Variants in SOX13 observed in about 807,000 individuals in gnomAD.
SOX13 encodes the protein transcription factor SOX-13.
A neutral mutation model predicts 71.8 loss-of-function variants in SOX13; 28 were observed. The observed-to-expected ratio is 0.39, with a 90% CI of 0.29 to 0.53. SOX13 has a LOEUF of 0.53. Among genes scored for constraint, SOX13 ranks in the 20% least tolerant of loss-of-function variants. The pLI is 0.70. For missense variants in SOX13, 627 were observed against 810.3 expected, an observed-to-expected ratio of 0.77 and a Z score of 2.75; for synonymous variants, 309 against 317.8, an observed-to-expected ratio of 0.97 and a Z score of 0.29.
intron 1 of SOX13, among the ~76,000 whole-genome samples, chr1:204,097,550 G>C (rs1457457465): frequency 6.6e-6 from 1 of 151,964 alleles, no homozygotes; most frequent in African/African-American, 2.4e-5. Flanking sequence ...AATTAGCTGG[G>C]CGTGGTGGCG....
chr1:204,082,809 G>C (rs899006314), intron 1 of SOX13, among the ~76,000 whole-genome samples: 5 of 152,196 alleles, frequency 3.3e-5, no homozygotes, highest in Non-Finnish European at 7.3e-5. Context: ...GGTAGCAAGA[G>C]GGCTTTCTGT....
chr1:204,080,344 TG>T (rs1402383863), intron 1 of SOX13, among the ~76,000 whole-genome samples: 1 of 152,164 alleles, frequency 6.6e-6, no homozygotes, highest in Non-Finnish European at 1.5e-5. Context: ...CTGTGTCTTC[TG>T]GGGACATGTC....
intron 2 of SOX13, among the ~76,000 whole-genome samples, chr1:204,113,369 T>C (rs1571587632): frequency 6.6e-6 from 1 of 152,248 alleles, no homozygotes; most frequent in Non-Finnish European, 1.5e-5. Flanking sequence ...ACTCGCTTGA[T>C]AGTGACAGTT....
chr1:204,104,377 A>T lies in SOX13; in HGVS notation c.-1-8538A>T, dbSNP rs1481573507. ...CAGGAAAGCTTTGTCCCAAGCCTGC[A>T]GCCAGTCCAGCTCCCAGCTCTGAGT... On this transcript the variant is annotated intron_variant, in intron 1 of 13. Coordinates refer to ENST00000367204, the MANE Select transcript of SOX13 (RefSeq NM_005686.3). Among the ~76,000 whole-genome samples the T allele has an allele frequency of 4.6e-5, 7 of 152,242 alleles. No individual in the cohort carries two copies. The East Asian group carries it at 1.3e-3, about 29-fold the overall frequency.
chr1:204,114,469 G>A (rs748636175), intron 3 of SOX13, 37 bp downstream of exon 3: 2 of 1,606,168 alleles, frequency 1.2e-6, no homozygotes, highest in Admixed American at 3.3e-5. Flanking sequence ...AGAGGCCTGA[G>A]GCAGGGAGGT....
intron 1 of SOX13, among the ~76,000 whole-genome samples, chr1:204,090,571 G>A (rs1470769557): frequency 6.6e-6 from 1 of 151,982 alleles, no homozygotes; most frequent in Non-Finnish European, 1.5e-5. Context: ...ACCACACTCG[G>A]CTAACTTTTT....
At chr1:204,109,813 ATTG>A (rs1468065369) in intron 1 of SOX13, among the ~76,000 whole-genome samples, 1 of 151,670 alleles carries the variant, frequency 6.6e-6, no homozygotes, top group Non-Finnish European at 1.5e-5. Context: ...TTTTTTATTT[ATTG>A]TTATTATTAT....
intron 1 of SOX13, among the ~76,000 whole-genome samples, chr1:204,106,850 A>G (rs1656481000): frequency 6.6e-6 from 1 of 152,204 alleles, no homozygotes; most frequent in Admixed American, 6.5e-5. Context: ...ACCAATTGTG[A>G]TAAATACTTT....
intron 1 of SOX13, among the ~76,000 whole-genome samples, chr1:204,090,167 A>G (rs1189442669): frequency 2.6e-5 from 4 of 152,072 alleles, no homozygotes; most frequent in Non-Finnish European, 4.4e-5. Flanking sequence ...GATTCACTGG[A>G]AGGATAAGAA....
Position 204,113,145 on chromosome 1 carries a change from C to CCGCCCTGCCTCCATCCTCACACCCATG in SOX13, c.219+15_219+41dup. Reference sequence around the variant, plus strand: ...TTCAGGGGCTCCTGGGTCAGTGTCCCCGCCCTGCCTCCATCCTCACACCCA... The same window carrying CCGCCCTGCCTCCATCCTCACACCCATG: ...TTCAGGGGCTCCTGGGTCAGTGTCCCCGCCCTGCCTCCATCCTCACACCCATGCGCCCTGCCTCCATCCTCACACCCA... On this transcript the variant is annotated intron_variant, in intron 2 of 13. Transcript: ENST00000367204. The CCGCCCTGCCTCCATCCTCACACCCATG allele has an allele frequency of 6.6e-7, 1 of 1,524,014 alleles. No individual in the cohort carries two copies. Among genetic ancestry groups the CCGCCCTGCCTCCATCCTCACACCCATG allele is most frequent in the Non-Finnish European group, 8.8e-7 (1 of 1,133,148 alleles). 94.4% of individuals were successfully genotyped at this position (1,524,014 alleles called of 1,614,324 possible).
chr1:204,079,284 A>C (rs1179934855), intron 1 of SOX13, among the ~76,000 whole-genome samples: 2 of 150,554 alleles, frequency 1.3e-5, no homozygotes, highest in Non-Finnish European at 3.0e-5. Flanking sequence ...CGTCTCAAAA[A>C]ACAAACAAAC....
At chr1:204,105,425 A>ATTTTTTTTTTTTTTTTT in intron 1 of SOX13, among the ~76,000 whole-genome samples, 1 of 68,026 alleles carries the variant, frequency 1.5e-5, no homozygotes, top group African/African-American at 1.8e-4. Context: ...TTTTTTTTTG[A>ATTTTTTTTTTTTTTTTT]GACAGAGTCT....
chr1:204,115,512 A>AAT (rs1656672591), intron 4 of SOX13, among the ~76,000 whole-genome samples: 1 of 148,280 alleles, frequency 6.7e-6, no homozygotes, highest in Non-Finnish European at 1.5e-5. Context: ...AAAAAAAAAA[A>AAT]AGGTCTATGG....
intron 1 of SOX13, among the ~76,000 whole-genome samples, chr1:204,109,370 A>G (rs577377783): frequency 5.9e-5 from 9 of 152,234 alleles, no homozygotes; most frequent in Non-Finnish European, 1.3e-4. Context: ...CACATATAGG[A>G]CAGTGGTCCT....
chr1:204,108,364 C>T lies in SOX13; in HGVS notation c.-1-4551C>T, dbSNP rs566041890. Reference sequence around the variant, plus strand: ...GGCTGCATTATAAGTGCTTAGTAGCCGCATGGGGCAAGTGGCTGCAATCTT... The same window carrying T: ...GGCTGCATTATAAGTGCTTAGTAGCTGCATGGGGCAAGTGGCTGCAATCTT... On this transcript the variant is annotated intron_variant, in intron 1 of 13. Transcript: ENST00000367204. Among the ~76,000 whole-genome samples, 10 of 152,278 alleles carry T rather than the reference C, an allele frequency of 6.6e-5. No homozygotes were observed. In the East Asian group the frequency reaches 1.2e-3, roughly 18 times the overall value.
chr1:204,079,972 AC>A (rs550349842), intron 1 of SOX13, among the ~76,000 whole-genome samples: 3 of 152,304 alleles, frequency 2.0e-5, no homozygotes, highest in African/African-American at 7.2e-5. Context: ...CTGGGTGTGC[AC>A]AGGGTGTGCA....
chr1:204,074,760 T>C (rs1655749771), intron 1 of SOX13, among the ~76,000 whole-genome samples: 1 of 152,090 alleles, frequency 6.6e-6, no homozygotes, highest in South Asian at 2.1e-4. Context: ...CCCTGGACCT[T>C]TCCGGGAGGA....
intron 1 of SOX13, among the ~76,000 whole-genome samples, chr1:204,105,603 A>G (rs1490518361): frequency 6.6e-6 from 1 of 151,836 alleles, no homozygotes; most frequent in Non-Finnish European, 1.5e-5. Context: ...ATGGGGTTTT[A>G]CCATGTTGGC....
At position 204,084,180 on chromosome 1, in the gene SOX13, C is replaced by T. The variant is rs553156343; in HGVS notation, c.-2+10469C>T. Among the ~76,000 whole-genome samples the T allele has an allele frequency of 1.2e-4, 19 of 152,256 alleles. No individual in the cohort carries two copies. In the East Asian group the frequency reaches 2.3e-3, roughly 19 times the overall value. On this transcript the variant is annotated intron_variant, in intron 1 of 13. Coordinates refer to ENST00000367204, the MANE Select transcript of SOX13 (RefSeq NM_005686.3). ...CAGCTACAAGTCGTGTGTGCAAGCA[C>T]GGGGCAGCATGGGTTTTGGTGTGCA...
Sources: gnomAD v4.1 joint callset for allele counts (sites outside exome capture counted in the v4.1 genomes callset) on GRCh38, gnomAD v4.1.1 for gene constraint, MANE v1.5 for transcripts, NCBI Gene and HGNC (gene_info 2026-07-23, HGNC 2026-07-21) for gene names.